ZBTB20: variants seen among roughly 807,000 people sequenced by gnomAD.
The protein encoded by ZBTB20 is zinc finger and BTB domain-containing protein 20.
Under a neutral mutation model 56.9 loss-of-function variants are expected in ZBTB20, and 9 were observed. The observed-to-expected ratio is 0.16, with a 90% confidence interval of 0.10 to 0.28. The LOEUF (loss-of-function observed/expected upper bound fraction) is 0.28. Ranked by LOEUF, ZBTB20 falls within the 10% of genes least tolerant of loss-of-function variation. The pLI is 1.00. For synonymous variants in ZBTB20, 417 were observed against 420.7 expected, an observed-to-expected ratio of 0.99 and a Z score of 0.11; for missense variants, 655 against 1,003.0, an observed-to-expected ratio of 0.65 and a Z score of 4.69.
intron 3 of ZBTB20, among the ~76,000 whole-genome samples, chr3:114,937,428 CTTT>C (rs879506585): frequency 1.4e-5 from 2 of 144,394 alleles, no homozygotes; most frequent in African/African-American, 5.0e-5. Flanking sequence ...TCTTCTTCTT[CTTT>C]TTTTTTTTTA....
chr3:114,491,464 G>A (rs1178166163), intron 7 of ZBTB20, among the ~76,000 whole-genome samples: 1 of 152,126 alleles, frequency 6.6e-6, no homozygotes, highest in Non-Finnish European at 1.5e-5. Context: ...GCCCCTCAGT[G>A]CCCATCACTT....
intron 4 of ZBTB20, among the ~76,000 whole-genome samples, chr3:114,899,011 T>C (rs559843521): frequency 3.8e-4 from 58 of 152,264 alleles, no homozygotes; most frequent in African/African-American, 1.4e-3. Context: ...ATAGCTTGTC[T>C]ATATCAAAAA....
intron 4 of ZBTB20, among the ~76,000 whole-genome samples, chr3:114,837,652 A>G (rs1029430941): frequency 1.2e-4 from 18 of 152,206 alleles, no homozygotes; most frequent in Admixed American, 1.2e-3. Flanking sequence ...TCCGGGAGAG[A>G]GTGATAGAGG....
intron 1 of ZBTB20, among the ~76,000 whole-genome samples, chr3:115,141,705 T>G (rs1163981540): frequency 1.3e-5 from 2 of 152,208 alleles, no homozygotes; most frequent in Non-Finnish European, 2.9e-5. Flanking sequence ...AAAACCTTTC[T>G]TTGTCTCTAT....
Position 114,350,703 on chromosome 3 carries a change from G to C in ZBTB20, c.1375C>G (p.Gln459Glu). The C allele has an allele frequency of 6.2e-7, 1 of 1,614,224 alleles. No homozygotes were observed. Among genetic ancestry groups the C allele is most frequent in the Non-Finnish European group, 8.5e-7 (1 of 1,180,042 alleles). ...CCGATGGACGTGTTGACCGAAGGCT[G>C]TTGTAGGACGCTCTTGTCGGAGCTG... ...SNSSDKSVLQ[Q>E]PSVNTSIGQP... The change falls in exon 11 of 12, where the codon CAG becomes GAG. Residue 459 changes from glutamine to glutamate, a missense_variant. Coordinates refer to ENST00000675478, the MANE Select transcript of ZBTB20 (RefSeq NM_001348800.3).
intron 7 of ZBTB20, among the ~76,000 whole-genome samples, chr3:114,476,083 A>G (rs1243398528): frequency 6.6e-6 from 1 of 152,214 alleles, no homozygotes; most frequent in East Asian, 1.9e-4. Flanking sequence ...AGGTGGGATT[A>G]TACCATATGT....
At chr3:114,435,423 C>T (rs751303678) in intron 7 of ZBTB20, among the ~76,000 whole-genome samples, 3 of 152,036 alleles carry the variant, frequency 2.0e-5, no homozygotes, top group Non-Finnish European at 4.4e-5. Flanking sequence ...TATAAGAATC[C>T]TAAGGTTCAG....
At chr3:114,647,626 A>T (rs2059920710) in intron 6 of ZBTB20, among the ~76,000 whole-genome samples, 1 of 152,220 alleles carries the variant, frequency 6.6e-6, no homozygotes, top group South Asian at 2.1e-4. Flanking sequence ...TCTTGAATAC[A>T]TTAGCCAACC....
At chr3:114,984,306 G>T (rs140438828) in intron 2 of ZBTB20, among the ~76,000 whole-genome samples, 2 of 151,880 alleles carry the variant, frequency 1.3e-5, no homozygotes, top group African/African-American at 4.8e-5. Context: ...TGCACAATGC[G>T]CAGTTTAGTT....
At chr3:114,635,427 G>A (rs1161398175) in intron 6 of ZBTB20, among the ~76,000 whole-genome samples, 1 of 152,062 alleles carries the variant, frequency 6.6e-6, no homozygotes, top group Non-Finnish European at 1.5e-5. Flanking sequence ...AACACAAAGA[G>A]TCATCTCCAA....
chr3:115,113,683 T>C (rs1318440726), intron 1 of ZBTB20, among the ~76,000 whole-genome samples: 1 of 152,218 alleles, frequency 6.6e-6, no homozygotes, highest in Admixed American at 6.5e-5. Context: ...CCTGGATTCT[T>C]GAAGTGTCCA....
chr3:114,362,491 G>A (rs2081993350), intron 10 of ZBTB20, among the ~76,000 whole-genome samples: 1 of 152,194 alleles, frequency 6.6e-6, no homozygotes, highest in Non-Finnish European at 1.5e-5. Flanking sequence ...TATGTGATAT[G>A]GTCCTGACAG....
At chr3:115,094,319 GA>G (rs1015362925) in intron 1 of ZBTB20, among the ~76,000 whole-genome samples, 6 of 147,550 alleles carry the variant, frequency 4.1e-5, no homozygotes, top group East Asian at 2.0e-4. Context: ...TATTTAAGAA[GA>G]AAAAAAAACA....
chr3:114,605,316 C>T (rs2057061446), intron 6 of ZBTB20, among the ~76,000 whole-genome samples: 1 of 152,114 alleles, frequency 6.6e-6, no homozygotes, highest in South Asian at 2.1e-4. Flanking sequence ...CAGACAAGAG[C>T]AGGGGTGAAA....
At chr3:114,395,818 A>C (rs569386502) in intron 7 of ZBTB20, among the ~76,000 whole-genome samples, 1 of 152,284 alleles carries the variant, frequency 6.6e-6, no homozygotes, top group East Asian at 1.9e-4. Flanking sequence ...GTGGAATCAC[A>C]ATCCCACTGT....
chr3:114,804,498 A>G (rs1256800001), intron 4 of ZBTB20, among the ~76,000 whole-genome samples: 3 of 152,086 alleles, frequency 2.0e-5, no homozygotes, highest in East Asian at 3.9e-4. Context: ...GAGTTCACTC[A>G]TCTCTCTATA....
intron 7 of ZBTB20, among the ~76,000 whole-genome samples, chr3:114,429,701 A>G (rs562069114): frequency 5.1e-4 from 78 of 151,918 alleles, no homozygotes; most frequent in African/African-American, 1.5e-3. Context: ...AAATATTTGG[A>G]AAAAAAAAAC....
intron 2 of ZBTB20, among the ~76,000 whole-genome samples, chr3:115,019,164 T>C (rs1466745386): frequency 6.6e-6 from 1 of 151,342 alleles, no homozygotes; most frequent in Non-Finnish European, 1.5e-5. Context: ...TTTCCCAATG[T>C]TGTTGTTACC....
At chr3:115,098,027 T>C (rs1241389895) in intron 1 of ZBTB20, among the ~76,000 whole-genome samples, 1 of 152,234 alleles carries the variant, frequency 6.6e-6, no homozygotes, top group Non-Finnish European at 1.5e-5. Flanking sequence ...ACATTATTAC[T>C]TGCTTTTATT....
Sources: allele counts gnomAD v4.1 joint callset (sites outside exome capture counted in the v4.1 genomes callset), GRCh38; gene constraint gnomAD v4.1.1; transcripts MANE v1.5; gene names NCBI Gene and HGNC (gene_info 2026-07-23, HGNC 2026-07-21).